DENND5B: variants seen among roughly 807,000 people sequenced by gnomAD.
The protein encoded by DENND5B is DENN domain-containing protein 5B.
Under a neutral mutation model 140.6 loss-of-function variants are expected in DENND5B, and 34 were observed. The observed-to-expected ratio is 0.24, with a 90% CI of 0.18 to 0.32. The LOEUF is 0.32. Among genes scored for constraint, DENND5B ranks in the 10% least tolerant of loss-of-function variants. The pLI, the probability that DENND5B is intolerant of heterozygous loss-of-function variation, is 1.00. For missense variants in DENND5B, 1,142 were observed against 1,560.2 expected, an observed-to-expected ratio of 0.73 and a Z score of 4.52; for synonymous variants, 551 against 562.1, an observed-to-expected ratio of 0.98 and a Z score of 0.28.
intron 1 of DENND5B, among the ~76,000 whole-genome samples, chr12:31,569,262 T>A (rs1207306884): frequency 6.6e-6 from 1 of 151,466 alleles, no homozygotes; most frequent in Non-Finnish European, 1.5e-5. Flanking sequence ...AGAGATGGAG[T>A]TTCACCATGC....
At chr12:31,568,126 A>G (rs768140660) in intron 1 of DENND5B, among the ~76,000 whole-genome samples, 8 of 152,216 alleles carry the variant, frequency 5.3e-5, no homozygotes, top group Admixed American at 2.0e-4. Context: ...TTGACTGCTA[A>G]TGACACCACA....
intron 1 of DENND5B, among the ~76,000 whole-genome samples, chr12:31,574,278 A>ATAT (rs1196524531): frequency 1.4e-5 from 2 of 140,244 alleles, no homozygotes; most frequent in African/African-American, 2.6e-5. Flanking sequence ...AATAATAATA[A>ATAT]TAATAATAAT....
rs145403486 is a variant in DENND5B at position 31,514,545 on chromosome 12, G to A, written c.128-18626C>T. On this transcript the variant is annotated intron_variant, in intron 1 of 20. Transcript: ENST00000389082. ...TAATAAAAATTTAAGGCTGGGCATAGTGGCTCACGCCTGTAATCACAACAC... is the reference window on the plus strand; with the variant it reads ...TAATAAAAATTTAAGGCTGGGCATAATGGCTCACGCCTGTAATCACAACAC... Among the ~76,000 whole-genome samples, 571 of 152,354 alleles carry A rather than the reference G, an allele frequency of 3.7e-3. 5 individuals carry two copies. The highest frequency in any genetic ancestry group is 0.013 in the African/African-American group (538 of 41,580).
At chr12:31,390,020 TGG>T (rs1244765405) in intron 19 of DENND5B, among the ~76,000 whole-genome samples, 1 of 152,016 alleles carries the variant, frequency 6.6e-6, no homozygotes, top group Non-Finnish European at 1.5e-5. Flanking sequence ...AAATCACTCC[TGG>T]GGGCCTATCT....
rs545510611 is a variant in DENND5B at position 31,481,989 on chromosome 12, T to C, written c.238-1734A>G. On this transcript the variant is annotated intron_variant, in intron 2 of 20. Coordinates refer to ENST00000389082, the MANE Select transcript of DENND5B (RefSeq NM_144973.4). ...TTCCACTTTCATTTATTCTGTAGAG[T>C]GGAATTCTTTCAGTGTTAAGATTTC... 3.9e-5 allele frequency among the ~76,000 whole-genome samples: 6 copies of C among 152,210 alleles called. No individual in the cohort carries two copies. The East Asian group carries it at 1.2e-3, about 29-fold the overall frequency.
rs143955516 is a variant in DENND5B, at chr12:31,410,292, G to C, written c.2682-908C>G. On this transcript the variant is annotated intron_variant, in intron 13 of 20. Coordinates refer to ENST00000389082, the MANE Select transcript of DENND5B (RefSeq NM_144973.4). ...AAAGAAACAGATGAAATGGGGCAAA[G>C]ATTTCATTAAACACTTACATTTAAG... 2.8e-3 allele frequency among the ~76,000 whole-genome samples: 424 copies of C among 152,278 alleles called. 2 individuals are homozygous for C. Among genetic ancestry groups the C allele is most frequent in the Non-Finnish European group, 4.7e-3 (320 of 67,998 alleles).
chr12:31,472,493 T>G (rs895768917), intron 3 of DENND5B, among the ~76,000 whole-genome samples: 1 of 152,182 alleles, frequency 6.6e-6, no homozygotes, highest in Non-Finnish European at 1.5e-5. Context: ...GGTTTCCCTA[T>G]GTTGGCCAGG....
chr12:31,580,608 C>T (rs1950181719), intron 1 of DENND5B, among the ~76,000 whole-genome samples: 1 of 152,134 alleles, frequency 6.6e-6, no homozygotes, highest in African/African-American at 2.4e-5. Flanking sequence ...GATTCTCGTG[C>T]CTCAGCCTCC....
At chr12:31,515,313 T>C (rs919499849) in intron 1 of DENND5B, among the ~76,000 whole-genome samples, 8 of 152,160 alleles carry the variant, frequency 5.3e-5, no homozygotes, top group Non-Finnish European at 1.2e-4. Flanking sequence ...TCTAAATACA[T>C]ACACATACAT....
At position 31,398,341 on chromosome 12, in the gene DENND5B, C is replaced by T. The variant is rs1236613279; in HGVS notation, c.3090G>A (p.Leu1030=). The change falls in exon 17 of 21, where the codon CTG becomes CTA. Residue 1030 remains leucine (L), a synonymous_variant. Coordinates refer to ENST00000389082, the MANE Select transcript of DENND5B (RefSeq NM_144973.4). ...HTYRFPCGRW[L]GKGIDDGSLE... The stretch of plus-strand genomic sequence containing the variant: ...GGCTCCCATCATCAATGCCTTTCCC[C>T]AGCCACCGCCCACATGGGAATCTGG... 2 of 1,549,228 alleles carry T rather than the reference C, an allele frequency of 1.3e-6. No homozygotes were observed. The highest frequency in any genetic ancestry group is 4.0e-5 in the Admixed American group (2 of 49,726).
chr12:31,399,148 G>A (rs77839709), intron 16 of DENND5B, among the ~76,000 whole-genome samples: 109,833 of 119,190 alleles, frequency 0.92, 51,026 homozygotes, highest in East Asian at 0.99. Flanking sequence ...AAAAAAAAGA[G>A]AGAGAAAGAA....
At chr12:31,528,333 C>G (rs1948158498) in intron 1 of DENND5B, among the ~76,000 whole-genome samples, 1 of 152,220 alleles carries the variant, frequency 6.6e-6, no homozygotes, top group South Asian at 2.1e-4. Context: ...CTGCGTGTGT[C>G]AAACTTCCCT....
intron 11 of DENND5B, among the ~76,000 whole-genome samples, chr12:31,417,755 G>C (rs1942824441): frequency 6.6e-6 from 1 of 152,108 alleles, no homozygotes; most frequent in Admixed American, 6.6e-5. Flanking sequence ...AGATGCCATG[G>C]AGTTTAGGCC....
At chr12:31,394,204 C>T (rs1457603293) in intron 17 of DENND5B, among the ~76,000 whole-genome samples, 1 of 151,888 alleles carries the variant, frequency 6.6e-6, no homozygotes, top group African/African-American at 2.4e-5. Flanking sequence ...TCACCCATTC[C>T]AAAAGAGCTT....
chr12:31,499,698 G>A, intron 1 of DENND5B: 1 of 1,424,142 alleles, frequency 7.0e-7, no homozygotes, highest in East Asian at 2.6e-5. Context: ...AAACAAAAAA[G>A]CTTTATGAAC....
chr12:31,419,347 G>T (rs1292415329), intron 11 of DENND5B, among the ~76,000 whole-genome samples: 1 of 152,050 alleles, frequency 6.6e-6, no homozygotes, highest in African/African-American at 2.4e-5. Context: ...TACTTGGGAG[G>T]CAGAGGCAGG....
At chr12:31,494,138 T>TTCTATCTA (rs58109707) in intron 2 of DENND5B, among the ~76,000 whole-genome samples, 1,699 of 139,714 alleles carry the variant, frequency 0.012, 37 homozygotes, top group African/African-American at 0.019. Flanking sequence ...TCTCTCTATC[T>TTCTATCTA]TCTATCTATC....
At chr12:31,431,777 C>A (rs1943521933) in intron 8 of DENND5B, among the ~76,000 whole-genome samples, 3 of 151,692 alleles carry the variant, frequency 2.0e-5, no homozygotes, top group African/African-American at 7.3e-5. Flanking sequence ...CTATCTAGCA[C>A]ACAAAAAAAA....
chr12:31,581,269 T>G (rs1000944017), intron 1 of DENND5B, among the ~76,000 whole-genome samples: 60 of 152,148 alleles, frequency 3.9e-4, no homozygotes, highest in African/African-American at 1.4e-3. Context: ...GGCAGTATCA[T>G]CCATACTACA....
Sources: gnomAD v4.1 joint callset for allele counts (sites outside exome capture counted in the v4.1 genomes callset) on GRCh38, gnomAD v4.1.1 for gene constraint, MANE v1.5 for transcripts, NCBI Gene and HGNC (gene_info 2026-07-23, HGNC 2026-07-21) for gene names.